USP36: variants seen among roughly 807,000 people sequenced by gnomAD.
The protein encoded by USP36 is ubiquitin carboxyl-terminal hydrolase 36.
USP36 carries 59 observed loss-of-function variants against 111.5 expected under a neutral mutation model. That is an observed-to-expected ratio of 0.53 (90% confidence interval 0.43 to 0.66). USP36 has a LOEUF of 0.66. Ranked by LOEUF, USP36 falls within the 30% of genes least tolerant of loss-of-function variation. USP36 has a pLI of 0.00. For synonymous variants in USP36, 628 were observed against 581.0 expected, an observed-to-expected ratio of 1.08 and a Z score of -1.16; for missense variants, 1,488 against 1,468.0, an observed-to-expected ratio of 1.01 and a Z score of -0.22.
intron 13 of USP36, among the ~76,000 whole-genome samples, chr17:78,808,521 G>A (rs931501845): frequency 7.9e-5 from 12 of 152,184 alleles, no homozygotes; most frequent in Non-Finnish European, 1.8e-4. Context: ...AAAGTGCTGG[G>A]ATTACAGGCC....
At chr17:78,789,339 C>T (rs1331444006) in intron 3 of USP36, among the ~76,000 whole-genome samples, 1 of 151,964 alleles carries the variant, frequency 6.6e-6, no homozygotes, top group African/African-American at 2.4e-5. Flanking sequence ...TTCTAGAAGC[C>T]AGCCTCTGAC....
chr17:78,802,179 G>A lies in USP36; in HGVS notation c.3022+145C>T, dbSNP rs574344106. The A allele has an allele frequency of 1.2e-4, 33 of 269,738 alleles. No homozygotes were observed. In the East Asian group the frequency reaches 1.5e-3, roughly 12 times the overall value. 16.7% of individuals were successfully genotyped at this position (269,738 alleles called of 1,614,324 possible). A position where few individuals can be genotyped will look rare whatever the true frequency, so the allele number is the denominator to read the frequency against. ...CACGCGGTCCCCCACCCCCTCGCCC[G>A]GTGCACACCCACGCGGTCCAACCCC... is the stretch of plus-strand genomic sequence containing the variant. On this transcript the variant is annotated intron_variant, in intron 17 of 20. Transcript: ENST00000449938.
rs10590690 is a variant in USP36 at position 78,804,495 on chromosome 17, C to CA, written c.2217-518dup. Among the ~76,000 whole-genome samples the CA allele has an allele frequency of 3.1e-3, 425 of 136,304 alleles. 3 individuals are homozygous for CA. The Middle Eastern group carries it at 0.043, about 14-fold the overall frequency. The allele number at this position is 136,304 out of a possible 152,430, so 89.4% of individuals were successfully genotyped here. A position where few individuals can be genotyped will look rare whatever the true frequency, so the allele number is the denominator to read the frequency against. ...AAAACCAAAAAAACAAAAACAAAAA[C>CA]AAAAAAAAAAAAACAAAGTTACCTA... On this transcript the variant is annotated intron_variant, in intron 15 of 20. Transcript: ENST00000449938.
At chr17:78,830,776 A>C (rs1371052152) in intron 4 of USP36, among the ~76,000 whole-genome samples, 1 of 152,144 alleles carries the variant, frequency 6.6e-6, no homozygotes. Flanking sequence ...AAGAGATGTA[A>C]AAAACTCTCC....
intron 4 of USP36, among the ~76,000 whole-genome samples, chr17:78,829,741 G>C (rs1023822032): frequency 6.6e-6 from 1 of 152,198 alleles, no homozygotes; most frequent in Non-Finnish European, 1.5e-5. Flanking sequence ...CATTAGGCTA[G>C]ACAGTGGTCC....
Position 78,802,511 on chromosome 17 carries a change from A to ATCACCATCACCCATGGGAGAGCAGCTGC in USP36, c.2811-4_2834dup (p.Asp945GlufsTer8), listed in dbSNP as rs1567912375. The ATCACCATCACCCATGGGAGAGCAGCTGC allele has an allele frequency of 2.5e-6, 4 of 1,606,988 alleles. No individual in the cohort carries two copies. The highest frequency in any genetic ancestry group is 3.4e-6 in the Non-Finnish European group (4 of 1,179,802). The stretch of plus-strand genomic sequence containing the variant: ...TTGGAGACTCTTCCATGGCCTCTGG[A>ATCACCATCACCCATGGGAGAGCAGCTGC]TCACCATCACCCATGGGAGAGCAGC... On this transcript the variant is annotated stop_gained and frameshift_variant, in exon 17 of 21. Coordinates refer to ENST00000449938, the MANE Select transcript of USP36 (RefSeq NM_001385174.1). LOFTEE classifies it high-confidence loss of function.
chr17:78,812,551 C>T (rs1473642872), intron 13 of USP36, among the ~76,000 whole-genome samples: 2 of 151,538 alleles, frequency 1.3e-5, no homozygotes, highest in African/African-American at 4.9e-5. Flanking sequence ...ATTAGCCGGG[C>T]GTGGTTCGGG....
chr17:78,799,062 C>G, intron 18 of USP36, 39 bp from the exon 19 acceptor site: 7 of 1,596,402 alleles, frequency 4.4e-6, no homozygotes, highest in Non-Finnish European at 6.0e-6. Context: ...AGTGCAGGTT[C>G]CCAGGTCCCC....
intron 11 of USP36, among the ~76,000 whole-genome samples, chr17:78,814,138 A>G (rs1050125399): frequency 2.6e-5 from 4 of 152,140 alleles, no homozygotes; most frequent in African/African-American, 9.7e-5. Context: ...CAGTGTCATC[A>G]CCATGGCCGA....
intron 7 of USP36, 114 bp downstream of exon 7, chr17:78,821,823 G>T: frequency 1.7e-6 from 2 of 1,207,120 alleles, no homozygotes; most frequent in Non-Finnish European, 2.4e-6. Context: ...CTCAGAGACT[G>T]ACCCAGGTCT....
chr17:78,801,433 C>G (rs916532248), intron 17 of USP36, among the ~76,000 whole-genome samples: 2 of 152,180 alleles, frequency 1.3e-5, no homozygotes, highest in African/African-American at 4.8e-5. Context: ...CCTGCTGACC[C>G]CCAGATGCAC....
chr17:78,817,678 C>G (rs201517452), intron 10 of USP36, among the ~76,000 whole-genome samples: 1 of 150,940 alleles, frequency 6.6e-6, no homozygotes, highest in East Asian at 1.9e-4. Flanking sequence ...CACTTGAACC[C>G]AGAAGGTGGA....
Position 78,813,835 on chromosome 17 carries a change from C to T in USP36, c.1203G>A (p.Leu401=). 2.5e-6 allele frequency: 4 copies of T among 1,614,142 alleles called. No individual in the cohort carries two copies. The highest frequency in any genetic ancestry group is 3.4e-6 in the Non-Finnish European group (4 of 1,180,030). The part of the protein sequence containing the change: ...NGQWYQMNDS[L]VHSSNVKVVL... ...CCACCTTGACGTTGCTGGAATGGAC[C>T]AAGGAATCATTCATCTGGTACCACT... Residue 401 remains leucine (L), a synonymous_variant, in exon 12 of 21, where the codon TTG becomes TTA. Coordinates refer to ENST00000449938, the MANE Select transcript of USP36 (RefSeq NM_001385174.1).
chr17:78,817,294 G>C (rs1167110051), intron 10 of USP36, among the ~76,000 whole-genome samples: 1 of 152,140 alleles, frequency 6.6e-6, no homozygotes, highest in African/African-American at 2.4e-5. Context: ...TGCCCTTGTG[G>C]TTACACGACA....
chr17:78,798,239 AC>A lies in USP36; in HGVS notation c.*20+160del. ...CCTTCTCCAAGTGACTAGGACACAC[AC>A]CACAGACGCGCCCACACCACACACA... On this transcript the variant is annotated intron_variant, in intron 20 of 20. Transcript: ENST00000449938. This position sits in a 1 kb window ranked among gnomAD's most constrained non-coding sequence, Gnocchi z 5.1. The A allele has an allele frequency of 1.1e-6, 1 of 910,814 alleles. No individual in the cohort carries two copies. Among genetic ancestry groups the A allele is most frequent in the Non-Finnish European group, 1.6e-6 (1 of 618,160 alleles). 56.4% of individuals were successfully genotyped at this position (910,814 alleles called of 1,614,324 possible). A position where few individuals can be genotyped will look rare whatever the true frequency, so the allele number is the denominator to read the frequency against.
In USP36 at chr17:78,840,146, C is replaced by A. The variant is rs562427112; in HGVS notation, c.-174+590G>T. Among the ~76,000 whole-genome samples the A allele has an allele frequency of 1.5e-3, 221 of 152,278 alleles. 2 individuals carry two copies. The highest frequency in any genetic ancestry group is 5.1e-3 in the African/African-American group (214 of 41,564). On this transcript the variant is annotated intron_variant, in intron 1 of 20. Coordinates refer to ENST00000449938, the MANE Select transcript of USP36 (RefSeq NM_001385174.1). ...GAGCACCTCTCCCCGAGCATGGCTCCGTGGCGAGCGTTACGTAAACGGGGG... is the reference window on the plus strand; with the variant it reads ...GAGCACCTCTCCCCGAGCATGGCTCAGTGGCGAGCGTTACGTAAACGGGGG...
chr17:78,821,318 T>G (rs1355705774), intron 7 of USP36: 2 of 349,184 alleles, frequency 5.7e-6, no homozygotes, highest in African/African-American at 4.5e-5. Context: ...TGCGGTACTC[T>G]CCTGCTGAGG....
chr17:78,814,384 G>A (rs2094134466), intron 11 of USP36, 28 bp downstream of exon 11: 6 of 1,612,350 alleles, frequency 3.7e-6, no homozygotes, highest in Non-Finnish European at 4.2e-6. Context: ...TGTCCCAGGA[G>A]GCAGCTGCAC....
In USP36 at chr17:78,815,852, T is replaced by C. The variant is rs547276541; in HGVS notation, c.1024-1300A>G. On this transcript the variant is annotated intron_variant, in intron 10 of 20. Coordinates refer to ENST00000449938, the MANE Select transcript of USP36 (RefSeq NM_001385174.1). ...ACATATATACATACACACACACATA[T>C]GCATGCATACACATGTACGCATATA... 6.1e-4 allele frequency among the ~76,000 whole-genome samples: 92 copies of C among 150,310 alleles called. 1 individual carries two copies. In the East Asian group the frequency reaches 0.02, roughly 33 times the overall value.
Sources: allele counts gnomAD v4.1 joint callset (sites outside exome capture counted in the v4.1 genomes callset), GRCh38; gene constraint gnomAD v4.1.1; non-coding constraint Gnocchi (gnomAD v3.1); transcripts MANE v1.5; gene names NCBI Gene and HGNC (gene_info 2026-07-23, HGNC 2026-07-21).